Variants in PHACTR2 observed in about 807,000 individuals in gnomAD.
PHACTR2 encodes the protein chromosome 6 open reading frame 56.
Under a neutral mutation model 76.0 loss-of-function variants are expected in PHACTR2, and 30 were observed. That is an observed-to-expected ratio of 0.39 (90% CI 0.30 to 0.54). The LOEUF (loss-of-function observed/expected upper bound fraction) is 0.54, where lower values mean the gene tolerates loss of function less well. Ranked by LOEUF, PHACTR2 falls within the 20% of genes least tolerant of loss-of-function variation. PHACTR2 has a pLI of 0.61. For synonymous variants in PHACTR2, 292 were observed against 292.5 expected (o/e 1.00, Z 0.02); for missense variants, 696 against 781.1 (o/e 0.89, Z 1.30).
rs1050865058 is a variant in PHACTR2 at position 143,652,564 on chromosome 6, G to C, written c.13+44242G>C. 2.0e-5 allele frequency among the ~76,000 whole-genome samples: 3 copies of C among 152,220 alleles called. No individual in the cohort carries two copies. The highest frequency in any genetic ancestry group is 7.2e-5 in the African/African-American group (3 of 41,464). ...TGGATATTTGTGAGTACACTTAAGT[G>C]TTTTTGTTTTCCACTATGCTAGGTC... On this transcript the variant is annotated intron_variant, in intron 1 of 11. Transcript: ENST00000305766. This position sits in a 1 kb window ranked among gnomAD's most constrained non-coding sequence, Gnocchi z 4.5.
intron 2 of PHACTR2, among the ~76,000 whole-genome samples, chr6:143,712,807 C>G (rs1778209009): frequency 6.6e-6 from 1 of 152,010 alleles, no homozygotes; most frequent in South Asian, 2.1e-4. Flanking sequence ...GAGGCACAAC[C>G]CTATTGGTGT....
chr6:143,691,689 T>C (rs906785968), intron 1 of PHACTR2, among the ~76,000 whole-genome samples: 1 of 152,194 alleles, frequency 6.6e-6, no homozygotes, highest in African/African-American at 2.4e-5. Context: ...GTGAACTTCA[T>C]CTGGGGTTGC....
chr6:143,637,000 A>G (rs968104285), intron 1 of PHACTR2, among the ~76,000 whole-genome samples: 18 of 152,340 alleles, frequency 1.2e-4, no homozygotes, highest in Admixed American at 5.2e-4. Context: ...AGGTGTCACC[A>G]TTAGATGCTC....
chr6:143,808,974 G>T (rs1279652373), intron 12 of PHACTR2, among the ~76,000 whole-genome samples: 6 of 152,202 alleles, frequency 3.9e-5, no homozygotes, highest in African/African-American at 1.4e-4. Flanking sequence ...GGAATATTTT[G>T]AGTGACATCA....
chr6:143,559,130 G>A (rs932574304), intron 1 of PHACTR2, among the ~76,000 whole-genome samples: 7 of 152,306 alleles, frequency 4.6e-5, no homozygotes, highest in Admixed American at 4.6e-4. Context: ...ATGAGATCAA[G>A]GCTTTCCCCT....
In PHACTR2 at chr6:143,760,283, T is replaced by G; in HGVS notation, c.455-118T>G. 2.3e-6 allele frequency: 2 copies of G among 867,608 alleles called. No homozygotes were observed. The highest frequency in any genetic ancestry group is 2.6e-5 in the Admixed American group (1 of 38,792). 53.7% of individuals were successfully genotyped at this position (867,608 alleles called of 1,614,324 possible). On this transcript the variant is annotated intron_variant, in intron 4 of 12. Transcript: ENST00000440869. The surrounding 1 kb of genome is among the most constrained non-coding windows in gnomAD (Gnocchi z 6.4). ...GTGCTCTGTCTGGTGCAGAACTCCA[T>G]GCTGATTCTCAAGTACCAAGCAGAC...
At position 143,755,291 on chromosome 6, in the gene PHACTR2, T is replaced by C. The variant is rs752408832; in HGVS notation, c.454+1379T>C. ...GATGTTTTTTGTTTAAGTCTTTCTG[T>C]CCTGTCTCGCCAGACTGTTGAATTT... On this transcript the variant is annotated intron_variant, in intron 4 of 12. Transcript: ENST00000440869. This position sits in a 1 kb window ranked among gnomAD's most constrained non-coding sequence, Gnocchi z 5.2. The C allele has an allele frequency of 6.6e-6, 3 of 456,090 alleles. No homozygotes were observed. The highest frequency in any genetic ancestry group is 1.3e-5 in the Non-Finnish European group (3 of 226,806). 28.3% of individuals were successfully genotyped at this position (456,090 alleles called of 1,614,324 possible). A position where few individuals can be genotyped will look rare whatever the true frequency, so the allele number is the denominator to read the frequency against.
rs916247916 is a variant in PHACTR2, at chr6:143,547,487, T to C, written c.217+10280T>C. Among the ~76,000 whole-genome samples, 3 of 152,202 alleles carry C rather than the reference T, an allele frequency of 2.0e-5. No individual in the cohort carries two copies. The highest frequency in any genetic ancestry group is 7.2e-5 in the African/African-American group (3 of 41,440). On this transcript the variant is annotated intron_variant, in intron 1 of 11. Transcript: ENST00000367584. The surrounding 1 kb of genome is among the most constrained non-coding windows in gnomAD (Gnocchi z 4.2). Reference sequence around the variant, plus strand: ...TATAACCACACAAGGTCATATGTGCTAACCAAGCAGATCAGTTGGAACTGT... The same window carrying C: ...TATAACCACACAAGGTCATATGTGCCAACCAAGCAGATCAGTTGGAACTGT...
chr6:143,666,583 G>C (rs889995982), intron 1 of PHACTR2, among the ~76,000 whole-genome samples: 2 of 152,194 alleles, frequency 1.3e-5, no homozygotes, highest in Non-Finnish European at 2.9e-5. Flanking sequence ...ACTGGCATGA[G>C]ATAGTTTCTC....
Position 143,602,408 on chromosome 6 carries a change from C to T in PHACTR2, c.217+65201C>T, listed in dbSNP as rs1775823142. 6.6e-6 allele frequency among the ~76,000 whole-genome samples: 1 copy of T among 152,224 alleles called. No individual in the cohort carries two copies. The highest frequency in any genetic ancestry group is 1.5e-5 in the Non-Finnish European group (1 of 68,036). On this transcript the variant is annotated intron_variant, in intron 1 of 11. Coordinates refer to the PHACTR2 transcript ENST00000367584. This position sits in a 1 kb window ranked among gnomAD's most constrained non-coding sequence, Gnocchi z 6.1. ...AGGCATCAGCCATTTGTTTTTCCAA[C>T]CTCATTTCTTGAGCCAGGACTCTCC...
upstream of PHACTR2, among the ~76,000 whole-genome samples, chr6:143,606,385 G>GA (rs988475196): frequency 2.0e-5 from 3 of 151,798 alleles, no homozygotes; most frequent in Admixed American, 6.6e-5. Flanking sequence ...AGTATTTATG[G>GA]AAAAAAAAGT....
chr6:143,790,509 T>C (rs1310056855), intron 11 of PHACTR2, among the ~76,000 whole-genome samples: 1 of 152,148 alleles, frequency 6.6e-6, no homozygotes, highest in Non-Finnish European at 1.5e-5. Context: ...CTTTCGTTCA[T>C]TATGAATGAG....
intron 1 of PHACTR2, among the ~76,000 whole-genome samples, chr6:143,572,580 A>G (rs1228493698): frequency 6.6e-6 from 1 of 151,942 alleles, no homozygotes; most frequent in African/African-American, 2.4e-5. Flanking sequence ...GAAATGGAGA[A>G]TCTCTCCATT....
chr6:143,755,718 T>G lies in PHACTR2; in HGVS notation c.454+1806T>G, dbSNP rs1298328176. Among the ~76,000 whole-genome samples, 12 of 152,150 alleles carry G rather than the reference T, an allele frequency of 7.9e-5. No individual in the cohort carries two copies. The highest frequency in any genetic ancestry group is 7.9e-4 in the Admixed American group (12 of 15,268). ...CTAAAGAGGCAGTGCGGCTGTCTCC[T>G]GTGTGGAAAGTGCACACACCAAAGC... is the stretch of plus-strand genomic sequence containing the variant. On this transcript the variant is annotated intron_variant, in intron 4 of 12. Transcript: ENST00000440869. This position sits in a 1 kb window ranked among gnomAD's most constrained non-coding sequence, Gnocchi z 5.2.
chr6:143,666,631 A>C (rs1777042623), intron 1 of PHACTR2, among the ~76,000 whole-genome samples: 1 of 152,226 alleles, frequency 6.6e-6, no homozygotes, highest in African/African-American at 2.4e-5. Context: ...ATGACCAGTG[A>C]TGATGAGTTT....
chr6:143,662,227 C>T lies in PHACTR2; in HGVS notation c.14-49789C>T, dbSNP rs919418189. ...AAGCCTCTTCAATATGCACAACTTA[C>T]CCTAGAGAGCTGTTTTACTTGGAGG... On this transcript the variant is annotated intron_variant, in intron 1 of 11. Transcript: ENST00000305766. The surrounding 1 kb of genome is among the most constrained non-coding windows in gnomAD (Gnocchi z 4.7). 3.9e-5 allele frequency among the ~76,000 whole-genome samples: 6 copies of T among 152,100 alleles called. No individual in the cohort carries two copies. The highest frequency in any genetic ancestry group is 2.0e-4 in the Admixed American group (3 of 15,272).
At position 143,775,039 on chromosome 6, in the gene PHACTR2, A is replaced by AT. The variant is rs928668438; in HGVS notation, c.1589+825dup. ...AACTGGGAGAAAGGAACTGTCTAGAATCCCAGAGCAGGATTTGGAGGTGGG... is the reference window on the plus strand; with the variant it reads ...AACTGGGAGAAAGGAACTGTCTAGAATTCCCAGAGCAGGATTTGGAGGTGGG... On this transcript the variant is annotated intron_variant, in intron 8 of 12. Transcript: ENST00000440869. The surrounding 1 kb of genome is among the most constrained non-coding windows in gnomAD (Gnocchi z 4.4). 2.6e-5 allele frequency among the ~76,000 whole-genome samples: 4 copies of AT among 152,202 alleles called. No homozygotes were observed. The highest frequency in any genetic ancestry group is 4.4e-5 in the Non-Finnish European group (3 of 68,046).
At chr6:143,645,440 G>A (rs1475429426) in intron 1 of PHACTR2, among the ~76,000 whole-genome samples, 1 of 152,142 alleles carries the variant, frequency 6.6e-6, no homozygotes, top group African/African-American at 2.4e-5. Flanking sequence ...AACATCATAT[G>A]TTATTTGGTT....
intron 1 of PHACTR2, among the ~76,000 whole-genome samples, chr6:143,594,540 G>A (rs10484803): frequency 0.21 from 32,058 of 152,206 alleles, 3,511 homozygotes; most frequent in South Asian, 0.33. Context: ...TAAGTATCCT[G>A]GTGGAATATG....
Sources: allele counts gnomAD v4.1 joint callset (sites outside exome capture counted in the v4.1 genomes callset), GRCh38; gene constraint gnomAD v4.1.1; non-coding constraint Gnocchi (gnomAD v3.1); transcripts MANE v1.5; gene names NCBI Gene and HGNC (gene_info 2026-07-23, HGNC 2026-07-21).